The following MDFIC2 variants were observed in gnomAD, a reference collection of about 807,000 sequenced individuals.
The protein encoded by MDFIC2 is MyoD family inhibitor domain containing 2.
At chr3:70,222,718 A>G (rs1701471874) in intron 2 of MDFIC2, among the ~76,000 whole-genome samples, 1 of 152,206 alleles carries the variant, frequency 6.6e-6, no homozygotes, top group Non-Finnish European at 1.5e-5. Context: ...TACTTTGTAC[A>G]AAGTTGTCTC....
At chr3:70,277,264 T>C (rs1230189254) in intron 2 of MDFIC2, among the ~76,000 whole-genome samples, 5 of 152,358 alleles carry the variant, frequency 3.3e-5, no homozygotes, top group South Asian at 2.1e-4. Context: ...AAAGTGTTAG[T>C]ATATCATTTT....
At chr3:70,311,016 A>G (rs1702449301) in intron 2 of MDFIC2, among the ~76,000 whole-genome samples, 1 of 152,186 alleles carries the variant, frequency 6.6e-6, no homozygotes, top group South Asian at 2.1e-4. Context: ...ATTCAGCAAA[A>G]TCATCAATAA....
intron 2 of MDFIC2, among the ~76,000 whole-genome samples, chr3:70,239,546 G>T: frequency 6.6e-6 from 1 of 152,142 alleles, no homozygotes; most frequent in East Asian, 1.9e-4. Flanking sequence ...TTACTATAAA[G>T]AGAGTATAAA....
chr3:70,258,681 A>G (rs2106659254), intron 2 of MDFIC2, among the ~76,000 whole-genome samples: 1 of 152,294 alleles, frequency 6.6e-6, no homozygotes, highest in African/African-American at 2.4e-5. Flanking sequence ...CTATGCAGTC[A>G]AAGCTTTATG....
intron 2 of MDFIC2, among the ~76,000 whole-genome samples, chr3:70,271,004 G>C (rs1444282366): frequency 6.6e-6 from 1 of 151,828 alleles, no homozygotes; most frequent in Non-Finnish European, 1.5e-5. Flanking sequence ...TGCACATTCT[G>C]CACATGTATC....
chr3:70,266,060 A>T (rs6419774), intron 2 of MDFIC2, among the ~76,000 whole-genome samples: 151,366 of 152,326 alleles, frequency 0.99, 75,213 homozygotes, highest in Non-Finnish European at 1. Flanking sequence ...AAAGAGAATG[A>T]GAAATCTCTT....
chr3:70,227,617 T>G (rs1035247062), intron 2 of MDFIC2, among the ~76,000 whole-genome samples: 7 of 152,216 alleles, frequency 4.6e-5, no homozygotes, highest in Non-Finnish European at 1.0e-4. Flanking sequence ...ATTAGGTTTT[T>G]GCCATTGAAA....
intron 2 of MDFIC2, among the ~76,000 whole-genome samples, chr3:70,209,393 A>G (rs1282119762): frequency 6.6e-6 from 1 of 152,098 alleles, no homozygotes; most frequent in Non-Finnish European, 1.5e-5. Context: ...ACACGAACAC[A>G]CACAGAGTGG....
At chr3:70,244,761 CAT>C (rs1286977963) in intron 2 of MDFIC2, among the ~76,000 whole-genome samples, 3 of 152,194 alleles carry the variant, frequency 2.0e-5, no homozygotes, top group Non-Finnish European at 4.4e-5. Flanking sequence ...ATATTTTGTG[CAT>C]GTGTGTGCAC....
intron 2 of MDFIC2, chr3:70,283,488 C>T (rs1210549748): frequency 6.6e-6 from 1 of 152,066 alleles, no homozygotes; most frequent in Non-Finnish European, 1.5e-5. Context: ...CATACAGCAT[C>T]AAATTACTTT....
chr3:70,260,120 G>A (rs558905023), intron 2 of MDFIC2, among the ~76,000 whole-genome samples: 1 of 152,304 alleles, frequency 6.6e-6, no homozygotes, highest in African/African-American at 2.4e-5. Context: ...CAGTTCTAAA[G>A]GCTAGAATCT....
At chr3:70,284,503 C>T (rs570521047) in intron 2 of MDFIC2, among the ~76,000 whole-genome samples, 3 of 152,046 alleles carry the variant, frequency 2.0e-5, no homozygotes, top group Admixed American at 2.0e-4. Flanking sequence ...AACCTAAATG[C>T]CCATCAATGA....
chr3:70,257,973 A>G (rs1309506984), intron 2 of MDFIC2, among the ~76,000 whole-genome samples: 1 of 152,348 alleles, frequency 6.6e-6, no homozygotes, highest in East Asian at 1.9e-4. Flanking sequence ...AAATAAAGCT[A>G]TGTAACTATG....
intron 2 of MDFIC2, chr3:70,249,075 C>G (rs78265890): frequency 1.6e-3 from 243 of 152,282 alleles, no homozygotes; most frequent in African/African-American, 5.4e-3. Flanking sequence ...TCAAGTCCTT[C>G]TAACCACAAA....
Position 70,212,028 on chromosome 3 carries a change from T to C in MDFIC2, c.89-5238A>G, listed in dbSNP as rs533370478. On this transcript the variant is annotated intron_variant, in intron 2 of 3. Coordinates refer to ENST00000567252, the MANE Select transcript of MDFIC2 (RefSeq NM_001364677.1). Reference sequence around the variant, plus strand: ...ATTTTTTCCTTAAGACTTTGTCCTCTTAGTTTCTTTCTTCCTACCCTGCCC... The same window carrying C: ...ATTTTTTCCTTAAGACTTTGTCCTCCTAGTTTCTTTCTTCCTACCCTGCCC... 4.7e-4 allele frequency among the ~76,000 whole-genome samples: 72 copies of C among 152,172 alleles called. 1 individual carries two copies. In the South Asian group the frequency reaches 0.015, roughly 31 times the overall value.
At chr3:70,297,577 G>A (rs879290239) in intron 2 of MDFIC2, among the ~76,000 whole-genome samples, 2 of 152,092 alleles carry the variant, frequency 1.3e-5, no homozygotes, top group Non-Finnish European at 2.9e-5. Context: ...ATGTATATTT[G>A]TGTTATCGGA....
intron 2 of MDFIC2, among the ~76,000 whole-genome samples, chr3:70,260,434 G>T (rs532453105): frequency 6.6e-6 from 1 of 152,124 alleles, no homozygotes; most frequent in African/African-American, 2.4e-5. Context: ...ATGAGGTAAT[G>T]GGGGTTAGTA....
Position 70,290,430 on chromosome 3 carries a change from G to T in MDFIC2, c.88+21456C>A, listed in dbSNP as rs568833211. Among the ~76,000 whole-genome samples, 51 of 152,326 alleles carry T rather than the reference G, an allele frequency of 3.3e-4. No homozygotes were observed. In the South Asian group the frequency reaches 0.01, roughly 31 times the overall value. On this transcript the variant is annotated intron_variant, in intron 2 of 3. Coordinates refer to ENST00000567252, the MANE Select transcript of MDFIC2 (RefSeq NM_001364677.1). ...CAGTCTGCCCCTTCTCAGATCTCCA[G>T]CTGCGTACTGGGAGAACCACTGCTC...
chr3:70,311,859 T>C (rs1322843634), intron 2 of MDFIC2, 27 bp downstream of exon 2: 1 of 397,284 alleles, frequency 2.5e-6, no homozygotes, highest in East Asian at 3.6e-5. Flanking sequence ...TTCACACCAA[T>C]AGAAAATCAA....
Sources: allele counts gnomAD v4.1 joint callset (sites outside exome capture counted in the v4.1 genomes callset), GRCh38; gene constraint gnomAD v4.1.1; transcripts MANE v1.5; gene names NCBI Gene and HGNC (gene_info 2026-07-23, HGNC 2026-07-21).